Variants in CDH18 observed in about 807,000 individuals in gnomAD.
CDH18 encodes cadherin-18.
CDH18 carries 31 observed loss-of-function variants against 67.9 expected under a neutral mutation model. That is an observed-to-expected ratio of 0.46 (90% CI 0.34 to 0.62). CDH18 has a LOEUF of 0.62. Ranked by LOEUF, CDH18 falls within the 20% of genes least tolerant of loss-of-function variation. The probability of loss-of-function intolerance (pLI) is 0.01; values close to 1 mark genes in which losing one functional copy is unlikely to be tolerated. For synonymous variants in CDH18, 362 were observed against 347.2 expected (o/e 1.04, Z -0.48); for missense variants, 890 against 975.5 (o/e 0.91, Z 1.17).
intron 1 of CDH18, among the ~76,000 whole-genome samples, chr5:20,358,663 G>GT (rs1741828007): frequency 6.6e-6 from 1 of 152,020 alleles, no homozygotes. Context: ...GAAGTTACAG[G>GT]TTTTTTTAAG....
chr5:20,379,628 A>G (rs1216077514), intron 1 of CDH18, among the ~76,000 whole-genome samples: 2 of 152,176 alleles, frequency 1.3e-5, no homozygotes, highest in Admixed American at 6.5e-5. Context: ...AATGACATAT[A>G]TAAGTATATA....
At chr5:20,138,731 C>A (rs550459225) in intron 2 of CDH18, among the ~76,000 whole-genome samples, 8 of 152,068 alleles carry the variant, frequency 5.3e-5, no homozygotes, top group Admixed American at 1.3e-4. Context: ...CAAAGAGAAT[C>A]AAATACTGAG....
chr5:20,558,708 T>C (rs1379095231), intron 1 of CDH18, among the ~76,000 whole-genome samples: 2 of 152,052 alleles, frequency 1.3e-5, no homozygotes, highest in Non-Finnish European at 2.9e-5. Flanking sequence ...TTTTATTTTG[T>C]TTGTGGAAAT....
chr5:20,215,922 G>C (rs977949956), intron 2 of CDH18, among the ~76,000 whole-genome samples: 5 of 151,816 alleles, frequency 3.3e-5, no homozygotes, highest in African/African-American at 1.2e-4. Context: ...GTAGCTAAAT[G>C]ATGGGAACAC....
intron 2 of CDH18, among the ~76,000 whole-genome samples, chr5:20,125,902 C>T (rs1159965969): frequency 1.3e-5 from 2 of 152,062 alleles, no homozygotes; most frequent in Non-Finnish European, 2.9e-5. Flanking sequence ...AGCCATCTAC[C>T]AATTCAATGC....
At chr5:19,823,515 T>C (rs1399009672) in intron 3 of CDH18, among the ~76,000 whole-genome samples, 1 of 152,084 alleles carries the variant, frequency 6.6e-6, no homozygotes, top group Non-Finnish European at 1.5e-5. Context: ...CACAACACAA[T>C]TCAACAAGAA....
rs1242572481 is a variant in CDH18 at position 19,663,759 on chromosome 5, T to A, written c.644-51158A>T. Among the ~76,000 whole-genome samples the A allele has an allele frequency of 2.6e-5, 4 of 152,082 alleles. No homozygotes were observed. The East Asian group carries it at 5.8e-4, about 22-fold the overall frequency. On this transcript the variant is annotated intron_variant, in intron 5 of 12. Coordinates refer to ENST00000382275, the MANE Select transcript of CDH18 (RefSeq NM_004934.5). ...CTAGTGTACATATTTTTCATTTAAATAAATTTATTAATATTCACACGCAAT... is the reference window on the plus strand; with the variant it reads ...CTAGTGTACATATTTTTCATTTAAAAAAATTTATTAATATTCACACGCAAT...
chr5:20,025,131 G>T (rs575511285), intron 2 of CDH18, among the ~76,000 whole-genome samples: 18 of 152,146 alleles, frequency 1.2e-4, no homozygotes, highest in Non-Finnish European at 2.5e-4. Flanking sequence ...TTAGCTTAAA[G>T]GGCTTTATTT....
intron 1 of CDH18, among the ~76,000 whole-genome samples, chr5:20,400,426 C>T (rs576604915): frequency 4.6e-5 from 7 of 150,706 alleles, no homozygotes; most frequent in Admixed American, 1.3e-4. Context: ...TGCAGTGAGC[C>T]GAGATTGTTC....
chr5:19,614,104 G>A (rs1449853928), intron 5 of CDH18, among the ~76,000 whole-genome samples: 3 of 150,976 alleles, frequency 2.0e-5, no homozygotes, highest in African/African-American at 4.9e-5. Context: ...TAATTTATGA[G>A]AAGGAGTTAT....
chr5:20,284,371 T>C (rs1285307927), intron 1 of CDH18, among the ~76,000 whole-genome samples: 1 of 151,972 alleles, frequency 6.6e-6, no homozygotes, highest in Admixed American at 6.6e-5. Context: ...GCACTTACTA[T>C]GTACTCATAA....
chr5:19,628,326 T>A (rs1214848963), intron 5 of CDH18, among the ~76,000 whole-genome samples: 1 of 152,212 alleles, frequency 6.6e-6, no homozygotes, highest in Non-Finnish European at 1.5e-5. Context: ...GTCTTGGGTA[T>A]GTCTTTGCCA....
chr5:19,849,769 CAT>C (rs72126043), intron 2 of CDH18, among the ~76,000 whole-genome samples: 3,069 of 68,326 alleles, frequency 0.045, 351 homozygotes, highest in African/African-American at 0.084. Context: ...TATATATAAA[CAT>C]ATATATATAT....
chr5:20,492,350 A>G (rs1365205809), intron 1 of CDH18, among the ~76,000 whole-genome samples: 2 of 152,182 alleles, frequency 1.3e-5, no homozygotes, highest in Non-Finnish European at 2.9e-5. Context: ...AATATAGACA[A>G]GGTTAGAATA....
intron 5 of CDH18, among the ~76,000 whole-genome samples, chr5:19,719,247 G>A (rs185779079): frequency 1.1e-3 from 165 of 151,994 alleles, no homozygotes; most frequent in East Asian, 7.0e-3. Context: ...ATAAATAAAT[G>A]TTTGGCTTTG....
intron 2 of CDH18, among the ~76,000 whole-genome samples, chr5:20,077,512 G>A (rs963917747): frequency 8.5e-5 from 13 of 152,088 alleles, no homozygotes; most frequent in African/African-American, 3.1e-4. Flanking sequence ...TGATTTACAG[G>A]CTGTGAAATG....
In CDH18 at chr5:20,111,596, G is replaced by T. The variant is rs1747480627; in HGVS notation, c.-517-119582C>A. The stretch of plus-strand genomic sequence containing the variant: ...AGAGCCTTGCTCTGTCGCCAGGCTG[G>T]AGTGCTGGTGCGATCTCAGCTCACT... On this transcript the variant is annotated intron_variant, in intron 2 of 14. Coordinates refer to the CDH18 transcript ENST00000507958. Among the ~76,000 whole-genome samples, 7 of 143,134 alleles carry T rather than the reference G, an allele frequency of 4.9e-5. No homozygotes were observed. The South Asian group carries it at 1.5e-3, about 32-fold the overall frequency. The allele number at this position is 143,134 out of a possible 152,430, so 93.9% of individuals were successfully genotyped here. A position where few individuals can be genotyped will look rare whatever the true frequency, so the allele number is the denominator to read the frequency against.
At chr5:20,548,439 TTGTGTGTGTG>T (rs70954668) in intron 1 of CDH18, among the ~76,000 whole-genome samples, 1 of 146,778 alleles carries the variant, frequency 6.8e-6, no homozygotes, top group Non-Finnish European at 1.5e-5. Flanking sequence ...GAGAACATGT[TTGTGTGTGTG>T]TGTGTGTGTG....
chr5:20,260,241 T>C (rs1252560358), intron 1 of CDH18, among the ~76,000 whole-genome samples: 1 of 151,580 alleles, frequency 6.6e-6, no homozygotes, highest in Non-Finnish European at 1.5e-5. Context: ...AGGGACTAGT[T>C]ATTGCTGCTC....
Sources: gnomAD v4.1 joint callset for allele counts (sites outside exome capture counted in the v4.1 genomes callset) on GRCh38, gnomAD v4.1.1 for gene constraint, MANE v1.5 for transcripts, NCBI Gene and HGNC (gene_info 2026-07-23, HGNC 2026-07-21) for gene names.